Variants in RFX3 observed in about 807,000 individuals in gnomAD.
RFX3 encodes transcription factor RFX3.
In RFX3, 14 loss-of-function variants were observed where a neutral mutation model predicts 98.6. The observed-to-expected ratio is 0.14, with a 90% confidence interval of 0.09 to 0.22. The LOEUF (loss-of-function observed/expected upper bound fraction) is 0.22, where lower values mean the gene tolerates loss of function less well. Among genes scored for constraint, RFX3 ranks in the 10% least tolerant of loss-of-function variants. RFX3 has a pLI of 1.00. For synonymous variants in RFX3, 383 were observed against 328.4 expected (o/e 1.17, Z -1.80); for missense variants, 639 against 926.9 (o/e 0.69, Z 4.03).
intron 7 of RFX3, among the ~76,000 whole-genome samples, chr9:3,278,017 C>T (rs886155429): frequency 1.3e-5 from 2 of 151,904 alleles, no homozygotes; most frequent in Admixed American, 1.3e-4. Flanking sequence ...AGGCCATAAG[C>T]ATCATTTTGT....
intron 1 of RFX3, among the ~76,000 whole-genome samples, chr9:3,413,940 A>C (rs899799640): frequency 6.6e-6 from 1 of 152,108 alleles, no homozygotes; most frequent in Non-Finnish European, 1.5e-5. Flanking sequence ...TTCTCCCAAT[A>C]AATCAAGATT....
Position 3,270,331 on chromosome 9 carries a change from T to C in RFX3, c.1357+40A>G, listed in dbSNP as rs773148426. ...CTCAAAACTTCCTGGGTGGAATGTATGAGAACAAAAGCATCCGTACTCGTC... is the reference window on the plus strand; with the variant it reads ...CTCAAAACTTCCTGGGTGGAATGTACGAGAACAAAAGCATCCGTACTCGTC... On this transcript the variant is annotated intron_variant, in intron 11 of 16. Coordinates refer to ENST00000617270, the MANE Select transcript of RFX3 (RefSeq NM_001282116.2). 6 of 1,570,250 alleles carry C rather than the reference T, an allele frequency of 3.8e-6. No homozygotes were observed. In the East Asian group the frequency reaches 1.4e-4, roughly 35 times the overall value.
chr9:3,491,732 A>C lies in RFX3; in HGVS notation c.-9+34015T>G, dbSNP rs1587848878. 2.0e-5 allele frequency among the ~76,000 whole-genome samples: 3 copies of C among 152,270 alleles called. No homozygotes were observed. In the East Asian group the frequency reaches 5.8e-4, roughly 29 times the overall value. On this transcript the variant is annotated intron_variant, in intron 1 of 16. Transcript: ENST00000617270. Reference sequence around the variant, plus strand: ...GATCTCTTTGTTTTTTATGATTACAACTTCCTCAGGTATACCAGTTTACTG... The same window carrying C: ...GATCTCTTTGTTTTTTATGATTACACCTTCCTCAGGTATACCAGTTTACTG...
Position 3,384,606 on chromosome 9 carries a change from T to C in RFX3, c.117+10866A>G, listed in dbSNP as rs562753803. Among the ~76,000 whole-genome samples the C allele has an allele frequency of 3.3e-5, 5 of 152,320 alleles. No individual in the cohort carries two copies. The East Asian group carries it at 9.6e-4, about 29-fold the overall frequency. On this transcript the variant is annotated intron_variant, in intron 2 of 16. Transcript: ENST00000617270. ...ATAAGATGCTCAGTAGATTGTAGCTTCTATTACTATGATCCATTGTTTGAA... is the reference window on the plus strand; with the variant it reads ...ATAAGATGCTCAGTAGATTGTAGCTCCTATTACTATGATCCATTGTTTGAA...
At chr9:3,435,198 T>G (rs1587667976) in intron 1 of RFX3, among the ~76,000 whole-genome samples, 2 of 152,020 alleles carry the variant, frequency 1.3e-5, no homozygotes, top group East Asian at 3.8e-4. Context: ...TACATTAAAT[T>G]TATAAAAATA....
rs1474800135 is a variant in RFX3 at position 3,221,711 on chromosome 9, A to G, written c.*3331T>C. ...GGAGATGGTTCATCCATTCCACCCTATTGTTCACTGGTTTCATGAATGCAA... is the reference window on the plus strand; with the variant it reads ...GGAGATGGTTCATCCATTCCACCCTGTTGTTCACTGGTTTCATGAATGCAA... On this transcript the variant is annotated 3_prime_UTR_variant, in exon 17 of 17. Coordinates refer to ENST00000617270, the MANE Select transcript of RFX3 (RefSeq NM_001282116.2). 1 of 152,136 alleles carries G rather than the reference A, an allele frequency of 6.6e-6. No homozygotes were observed. Among genetic ancestry groups the G allele is most frequent in the African/African-American group, 2.4e-5 (1 of 41,446 alleles). The allele number at this position is 152,136 out of a possible 1,614,324, so 9.4% of individuals were successfully genotyped here. A position where few individuals can be genotyped will look rare whatever the true frequency, so the allele number is the denominator to read the frequency against.
intron 5 of RFX3, among the ~76,000 whole-genome samples, chr9:3,296,485 G>T (rs1287902907): frequency 6.6e-6 from 1 of 151,960 alleles, no homozygotes; most frequent in Non-Finnish European, 1.5e-5. Flanking sequence ...TTAAACTGAA[G>T]AAATTCTGTT....
chr9:3,475,027 T>C (rs1849106304), intron 1 of RFX3, among the ~76,000 whole-genome samples: 1 of 147,448 alleles, frequency 6.8e-6, no homozygotes, highest in Admixed American at 6.8e-5. Flanking sequence ...TGAGCCCAGG[T>C]GATCTAGGCT....
At chr9:3,309,973 G>A (rs1469934528) in intron 4 of RFX3, among the ~76,000 whole-genome samples, 3 of 152,178 alleles carry the variant, frequency 2.0e-5, no homozygotes, top group African/African-American at 7.2e-5. Flanking sequence ...AGGACAGAGT[G>A]GGGAGAACAA....
chr9:3,515,485 C>T (rs1818066687), intron 1 of RFX3, among the ~76,000 whole-genome samples: 1 of 152,094 alleles, frequency 6.6e-6, no homozygotes, highest in African/African-American at 2.4e-5. Flanking sequence ...CCCGTAAGTC[C>T]CACCTCAAGC....
chr9:3,395,539 T>G lies in RFX3; in HGVS notation c.50A>C (p.Gln17Pro). The part of the protein sequence containing the change: ...GSDTGSTVTL[Q>P]TSVASQAAVP... ...TGCTGCTTGACTAGCCACAGATGTT[T>G]GTAAGGTCACTGTCGAGCCTGTGTC... The change falls in exon 2 of 17, where the codon CAA (glutamine) becomes CCA (proline). Residue 17 changes from glutamine (Q) to proline (P), a missense_variant. This residue lies in a region of RFX3 where 210 missense variants were observed against 197.7 expected (regional missense o/e 1.06). Transcript: ENST00000617270. 6.2e-7 allele frequency: 1 copy of G among 1,614,160 alleles called. No homozygotes were observed.
rs549164310 is a variant in RFX3, at chr9:3,489,331, C to A, written c.-9+36416G>T. ...TATGCCTATCCCTCTGACACCCTTC[C>A]CACCTATCCACCCCACCCTGACTCC... On this transcript the variant is annotated intron_variant, in intron 1 of 16. Coordinates refer to ENST00000617270, the MANE Select transcript of RFX3 (RefSeq NM_001282116.2). 2.7e-4 allele frequency: 144 copies of A among 543,274 alleles called. No individual in the cohort carries two copies. The African/African-American group carries it at 2.9e-3, about 11-fold the overall frequency. The allele number at this position is 543,274 out of a possible 1,614,324, so 33.7% of individuals were successfully genotyped here. A position where few individuals can be genotyped will look rare whatever the true frequency, so the allele number is the denominator to read the frequency against.
intron 3 of RFX3, among the ~76,000 whole-genome samples, chr9:3,340,752 CA>C (rs1833791992): frequency 6.6e-6 from 1 of 152,164 alleles, no homozygotes; most frequent in Non-Finnish European, 1.5e-5. Flanking sequence ...ACTCAGGAAA[CA>C]ACAGGTGCTG....
intron 14 of RFX3, among the ~76,000 whole-genome samples, chr9:3,250,367 C>T (rs931786090): frequency 6.6e-6 from 1 of 151,724 alleles, no homozygotes; most frequent in Non-Finnish European, 1.5e-5. Flanking sequence ...AACAAACATA[C>T]AAAAACATGA....
intron 2 of RFX3, among the ~76,000 whole-genome samples, chr9:3,381,642 A>G (rs1288778013): frequency 1.3e-5 from 2 of 152,016 alleles, no homozygotes; most frequent in African/African-American, 4.8e-5. Context: ...CATTCATCAT[A>G]TTTTCTTATA....
chr9:3,294,749 G>C (rs1010010497), intron 5 of RFX3, among the ~76,000 whole-genome samples: 1 of 152,018 alleles, frequency 6.6e-6, no homozygotes, highest in Non-Finnish European at 1.5e-5. Context: ...CATATTGATA[G>C]TTGGCTTTGA....
intron 4 of RFX3, among the ~76,000 whole-genome samples, chr9:3,305,736 C>T (rs1236825389): frequency 6.6e-6 from 1 of 151,840 alleles, no homozygotes; most frequent in African/African-American, 2.4e-5. Context: ...GGTAGAGGGA[C>T]AGAGGAATAG....
rs758007554 is a variant in RFX3, at chr9:3,262,868, T to C, written c.1605+67A>G. ...GAGACTTTGAAAAGAAATTTGATGA[T>C]CCCAATTAAGAAGAACAAATTGGGT... is the stretch of plus-strand genomic sequence containing the variant. On this transcript the variant is annotated intron_variant, in intron 13 of 16. Coordinates refer to ENST00000617270, the MANE Select transcript of RFX3 (RefSeq NM_001282116.2). 6.1e-6 allele frequency: 9 copies of C among 1,482,194 alleles called. No individual in the cohort carries two copies. In the Middle Eastern group the frequency reaches 8.8e-4, roughly 145 times the overall value. 91.8% of individuals were successfully genotyped at this position (1,482,194 alleles called of 1,614,324 possible). A position where few individuals can be genotyped will look rare whatever the true frequency, so the allele number is the denominator to read the frequency against.
At chr9:3,258,284 G>A (rs943814282) in intron 13 of RFX3, among the ~76,000 whole-genome samples, 6 of 152,074 alleles carry the variant, frequency 3.9e-5, no homozygotes, top group African/African-American at 1.2e-4. Flanking sequence ...AAAACCTTGT[G>A]AATACATATG....
Sources: gnomAD v4.1 joint callset for allele counts (sites outside exome capture counted in the v4.1 genomes callset) on GRCh38, gnomAD v4.1.1 for gene constraint, gnomAD v4.1.1 regional missense constraint, MANE v1.5 for transcripts, NCBI Gene and HGNC (gene_info 2026-07-23, HGNC 2026-07-21) for gene names.